Variants in EPC1 observed in about 807,000 individuals in gnomAD.
The protein encoded by EPC1 is enhancer of polycomb homolog 1.
EPC1 carries 12 observed loss-of-function variants against 98.4 expected under a neutral mutation model. The observed-to-expected ratio is 0.12, with a 90% confidence interval of 0.08 to 0.20. EPC1 has a LOEUF of 0.20. Among genes scored for constraint, EPC1 ranks in the 10% least tolerant of loss-of-function variants. The probability of loss-of-function intolerance (pLI) is 1.00; values close to 1 mark genes in which losing one functional copy is unlikely to be tolerated. For missense variants in EPC1, 729 were observed against 990.5 expected (o/e 0.74, Z 3.54); for synonymous variants, 357 against 363.9 (o/e 0.98, Z 0.21).
intron 1 of EPC1, among the ~76,000 whole-genome samples, chr10:32,354,985 T>C (rs1839229372): frequency 6.6e-6 from 1 of 152,210 alleles, no homozygotes; most frequent in South Asian, 2.1e-4. Flanking sequence ...TTCTACATTA[T>C]GGTGAGTTGT....
chr10:32,289,789 AT>A (rs1224727932), intron 6 of EPC1, among the ~76,000 whole-genome samples: 3 of 151,348 alleles, frequency 2.0e-5, no homozygotes, highest in African/African-American at 7.3e-5. Context: ...ACGCCCGGCT[AT>A]TTTTTTTGTA....
At chr10:32,272,305 T>C (rs570602877) in intron 11 of EPC1, 138 bp from the exon 12 acceptor site, 1 of 638,092 alleles carries the variant, frequency 1.6e-6, no homozygotes, top group Non-Finnish European at 2.6e-6. Context: ...TTTGGTACCT[T>C]GAGATGCAAC....
intron 1 of EPC1, among the ~76,000 whole-genome samples, chr10:32,344,373 G>A (rs1306252799): frequency 6.6e-6 from 1 of 151,816 alleles, no homozygotes; most frequent in Non-Finnish European, 1.5e-5. Context: ...GGTTGGATGT[G>A]AAGTGAAAAA....
At chr10:32,308,770 T>C (rs1166357397) in intron 1 of EPC1, among the ~76,000 whole-genome samples, 14 of 152,132 alleles carry the variant, frequency 9.2e-5, no homozygotes. Flanking sequence ...GATTCAGCAA[T>C]CTCACTGCTA....
intron 1 of EPC1, among the ~76,000 whole-genome samples, chr10:32,356,205 G>A (rs1839272726): frequency 3.3e-5 from 5 of 151,882 alleles, no homozygotes; most frequent in Admixed American, 3.3e-4. Context: ...TGAAACTTGG[G>A]GTACAGAATT....
At chr10:32,306,136 A>G (rs1412037678) in intron 1 of EPC1, among the ~76,000 whole-genome samples, 1 of 152,240 alleles carries the variant, frequency 6.6e-6, no homozygotes, top group Non-Finnish European at 1.5e-5. Flanking sequence ...GAAACACTGA[A>G]TATTTCCTCA....
intron 1 of EPC1, among the ~76,000 whole-genome samples, chr10:32,374,804 CT>C (rs1481287337): frequency 6.6e-6 from 1 of 152,040 alleles, no homozygotes; most frequent in African/African-American, 2.4e-5. Flanking sequence ...GCCTCTTTTG[CT>C]TAATATTGCA....
At chr10:32,270,316 G>A (rs1309167553) in intron 13 of EPC1, among the ~76,000 whole-genome samples, 2 of 152,144 alleles carry the variant, frequency 1.3e-5, no homozygotes, top group Non-Finnish European at 2.9e-5. Flanking sequence ...ATGCTTGTCT[G>A]CTAACTAAAC....
At chr10:32,330,642 A>G (rs1207831617) in intron 1 of EPC1, among the ~76,000 whole-genome samples, 1 of 152,216 alleles carries the variant, frequency 6.6e-6, no homozygotes, top group African/African-American at 2.4e-5. Flanking sequence ...CAAATCTTAG[A>G]AATCCCAGAT....
intron 1 of EPC1, among the ~76,000 whole-genome samples, chr10:32,335,285 C>T (rs192483973): frequency 6.6e-6 from 1 of 152,286 alleles, no homozygotes; most frequent in East Asian, 1.9e-4. Flanking sequence ...CCATTCTAAT[C>T]TCAGTGTCTC....
intron 1 of EPC1, chr10:32,345,284 G>C (rs910324819): frequency 1.0e-6 from 1 of 985,238 alleles, no homozygotes; most frequent in African/African-American, 1.7e-5. Flanking sequence ...ACATACACTT[G>C]GCTTATCTGT....
intron 4 of EPC1, 89 bp from the exon 5 acceptor site, chr10:32,292,733 G>C: frequency 1.6e-6 from 2 of 1,282,144 alleles, no homozygotes; most frequent in Non-Finnish European, 2.1e-6. Flanking sequence ...ATATTTGAAG[G>C]GTTAAATTAG....
chr10:32,351,804 C>G (rs1839117970), upstream of EPC1, among the ~76,000 whole-genome samples: 1 of 150,838 alleles, frequency 6.6e-6, no homozygotes, highest in Admixed American at 6.6e-5. Flanking sequence ...GATCTCGGCT[C>G]ACTGCAACCT....
intron 10 of EPC1, among the ~76,000 whole-genome samples, chr10:32,278,879 C>T (rs1451801788): frequency 6.6e-6 from 1 of 152,134 alleles, no homozygotes; most frequent in Non-Finnish European, 1.5e-5. Context: ...TATGACCAGA[C>T]CTGACCTCAT....
intron 6 of EPC1, among the ~76,000 whole-genome samples, chr10:32,290,782 CTTT>C (rs1456671849): frequency 6.9e-6 from 1 of 145,270 alleles, no homozygotes; most frequent in Non-Finnish European, 1.5e-5. Context: ...CTTTTTTTAT[CTTT>C]TTTTTTTTAG....
At position 32,347,109 on chromosome 10, in the gene EPC1, C is replaced by G; in HGVS notation, c.-194G>C. On this transcript the variant is annotated 5_prime_UTR_variant, in exon 1 of 14. Coordinates refer to ENST00000319778, the MANE Select transcript of EPC1 (RefSeq NM_001272004.3). The stretch of plus-strand genomic sequence containing the variant: ...TGCCGCTCCGCTCCTCTCTCGCTCG[C>G]TCTCTTCAATACGCCATGGCCAACA... 6.9e-7 allele frequency: 1 copy of G among 1,440,384 alleles called. No homozygotes were observed. The highest frequency in any genetic ancestry group is 9.1e-7 in the Non-Finnish European group (1 of 1,103,166). 89.2% of individuals were successfully genotyped at this position (1,440,384 alleles called of 1,614,324 possible). A position where few individuals can be genotyped will look rare whatever the true frequency, so the allele number is the denominator to read the frequency against.
In EPC1 at chr10:32,284,889, A is replaced by G; in HGVS notation, c.1553T>C (p.Leu518Pro). The change falls in exon 10 of 14, where the codon CTA (leucine) becomes CCA (proline). Residue 518 changes from leucine to proline, a missense_variant. This residue lies in a region of EPC1 where 390 missense variants were observed against 438.6 expected (regional missense o/e 0.89). Transcript: ENST00000319778. ...KSFSKDLSQI[L>P]VNIKSCRWRH... ...CCATCTACATGATTTGATATTGACT[A>G]GTATCTGACTGAGGTCTTTAGAGAA... 1.9e-6 allele frequency: 3 copies of G among 1,614,206 alleles called. No individual in the cohort carries two copies. The highest frequency in any genetic ancestry group is 2.5e-6 in the Non-Finnish European group (3 of 1,180,040).
chr10:32,285,916 G>A (rs952313100), intron 9 of EPC1: 5 of 151,820 alleles, frequency 3.3e-5, no homozygotes, highest in African/African-American at 9.7e-5. Context: ...GAAAAAAACG[G>A]ACTAAATAAA....
At chr10:32,304,911 T>A in intron 2 of EPC1, among the ~76,000 whole-genome samples, 1 of 105,752 alleles carries the variant, frequency 9.5e-6, no homozygotes. Context: ...AGAGTGAAAC[T>A]CCGTCTTAAA....
Sources: gnomAD v4.1 joint callset for allele counts (sites outside exome capture counted in the v4.1 genomes callset) on GRCh38, gnomAD v4.1.1 for gene constraint, gnomAD v4.1.1 regional missense constraint, MANE v1.5 for transcripts, NCBI Gene and HGNC (gene_info 2026-07-23, HGNC 2026-07-21) for gene names.